The following RGS20 variants were observed in gnomAD, a reference collection of about 807,000 sequenced individuals.
RGS20 encodes the protein gz-selective GTPase-activating protein.
A neutral mutation model predicts 33.6 loss-of-function variants in RGS20; 30 were observed. The observed-to-expected ratio is 0.89, with a 90% confidence interval of 0.67 to 1.21. RGS20 has a LOEUF of 1.21. Ranked by LOEUF, RGS20 falls within the 50% of genes most tolerant of loss-of-function variation. The pLI, the probability that RGS20 is intolerant of heterozygous loss-of-function variation, is 0.00. For synonymous variants in RGS20, 208 were observed against 197.9 expected, an observed-to-expected ratio of 1.05 and a Z score of -0.43; for missense variants, 472 against 502.4, an observed-to-expected ratio of 0.94 and a Z score of 0.58.
chr8:53,950,465 T>C (rs886185173), intron 4 of RGS20, among the ~76,000 whole-genome samples: 1 of 152,194 alleles, frequency 6.6e-6, no homozygotes, highest in African/African-American at 2.4e-5. Context: ...ATTATTCCAA[T>C]GAGCATTTCC....
chr8:53,954,039 G>A (rs891151934), intron 4 of RGS20, 37 bp from the exon 4 acceptor site: 15 of 1,369,096 alleles, frequency 1.1e-5, no homozygotes, highest in Admixed American at 8.4e-5. Flanking sequence ...ACCACTAACA[G>A]TTCCCTTTTG....
At chr8:53,858,326 T>C (rs546794712) in intron 1 of RGS20, among the ~76,000 whole-genome samples, 1 of 152,166 alleles carries the variant, frequency 6.6e-6, no homozygotes, top group African/African-American at 2.4e-5. Flanking sequence ...ACAATTCTGA[T>C]TAAGAATCTG....
chr8:53,894,729 A>G (rs73587682), intron 2 of RGS20, among the ~76,000 whole-genome samples: 2,492 of 152,232 alleles, frequency 0.016, 74 homozygotes, highest in African/African-American at 0.056. Context: ...ACATTAGGCA[A>G]CCTCCCTGAA....
chr8:53,909,203 A>G (rs1487970206), intron 2 of RGS20, among the ~76,000 whole-genome samples: 14 of 57,326 alleles, frequency 2.4e-4, no homozygotes, highest in South Asian at 1.7e-3. Flanking sequence ...CCATTATGGT[A>G]TGTGTGTATA....
intron 1 of RGS20, among the ~76,000 whole-genome samples, chr8:53,864,154 G>A (rs775625961): frequency 6.6e-6 from 1 of 151,996 alleles, no homozygotes; most frequent in Non-Finnish European, 1.5e-5. Flanking sequence ...CTCAGATCAT[G>A]GTGGCTCACA....
intron 2 of RGS20, among the ~76,000 whole-genome samples, chr8:53,917,139 T>TTTTTGTTTTG (rs61137799): frequency 1.3e-5 from 2 of 151,792 alleles, no homozygotes; most frequent in African/African-American, 4.9e-5. Flanking sequence ...TTTGGTTGGT[T>TTTTTGTTTTG]TTTTGTTTTG....
chr8:53,908,094 A>G (rs1813235551), intron 2 of RGS20, among the ~76,000 whole-genome samples: 1 of 152,242 alleles, frequency 6.6e-6, no homozygotes, highest in Non-Finnish European at 1.5e-5. Flanking sequence ...GATCATTGAC[A>G]GTGAAACTAT....
At chr8:53,869,562 G>C (rs192106067) in intron 1 of RGS20, among the ~76,000 whole-genome samples, 1 of 152,078 alleles carries the variant, frequency 6.6e-6, no homozygotes, top group Admixed American at 6.5e-5. Flanking sequence ...TGTAGTCCCA[G>C]CTACTCGGGA....
chr8:53,889,507 G>A (rs1812652476), intron 2 of RGS20, among the ~76,000 whole-genome samples: 1 of 129,724 alleles, frequency 7.7e-6, no homozygotes, highest in Non-Finnish European at 1.6e-5. Context: ...AATTAGCCGT[G>A]AAGCTGAGAC....
chr8:53,943,995 C>A (rs559636802), intron 3 of RGS20, among the ~76,000 whole-genome samples: 87 of 143,676 alleles, frequency 6.1e-4, no homozygotes, highest in African/African-American at 2.3e-3. Flanking sequence ...AAAAATAGAG[C>A]TACACACACA....
chr8:53,935,398 C>A (rs192374506), intron 2 of RGS20, among the ~76,000 whole-genome samples: 41 of 152,192 alleles, frequency 2.7e-4, no homozygotes, highest in Admixed American at 4.6e-4. Context: ...ATCAAATAGA[C>A]ACAATAAAAA....
intron 2 of RGS20, among the ~76,000 whole-genome samples, chr8:53,931,853 G>A (rs897474301): frequency 2.6e-5 from 4 of 151,998 alleles, no homozygotes; most frequent in African/African-American, 7.3e-5. Flanking sequence ...GTGCCATAAG[G>A]GACAGAGCAC....
At chr8:53,892,309 G>A (rs1391572755) in intron 2 of RGS20, among the ~76,000 whole-genome samples, 1 of 152,148 alleles carries the variant, frequency 6.6e-6, no homozygotes, top group Non-Finnish European at 1.5e-5. Context: ...ATTTGGGTTG[G>A]TTCCAAGTCT....
chr8:53,935,228 A>G lies in RGS20; in HGVS notation c.511-4348A>G, dbSNP rs141495792. Among the ~76,000 whole-genome samples the G allele has an allele frequency of 3.5e-3, 529 of 152,284 alleles. 4 individuals carry two copies. The highest frequency in any genetic ancestry group is 0.012 in the African/African-American group (503 of 41,562). Reference sequence around the variant, plus strand: ...GAGAAGTGAGAGCAAACAAATTCAAAAGCCAGCAGAAGACAACAGATAACT... The same window carrying G: ...GAGAAGTGAGAGCAAACAAATTCAAGAGCCAGCAGAAGACAACAGATAACT... On this transcript the variant is annotated intron_variant, in intron 2 of 5. Coordinates refer to ENST00000297313, the MANE Select transcript of RGS20 (RefSeq NM_170587.4).
intron 2 of RGS20, among the ~76,000 whole-genome samples, chr8:53,903,487 T>C (rs561905832): frequency 6.6e-6 from 1 of 152,260 alleles, no homozygotes; most frequent in African/African-American, 2.4e-5. Flanking sequence ...CCACAGCAGT[T>C]AGGTCCCTGA....
At chr8:53,874,132 A>C (rs554549077) in intron 1 of RGS20, among the ~76,000 whole-genome samples, 7 of 152,272 alleles carry the variant, frequency 4.6e-5, no homozygotes, top group Admixed American at 2.6e-4. Flanking sequence ...GCCAGGCGGT[A>C]GAGGCTGCAG....
intron 2 of RGS20, among the ~76,000 whole-genome samples, chr8:53,930,515 C>T (rs1813923375): frequency 6.6e-6 from 1 of 152,158 alleles, no homozygotes; most frequent in African/African-American, 2.4e-5. Flanking sequence ...ACAGTCCTTC[C>T]TACTTCTGGA....
intron 2 of RGS20, among the ~76,000 whole-genome samples, chr8:53,896,276 T>TC (rs1348720822): frequency 1.3e-5 from 2 of 151,646 alleles, no homozygotes; most frequent in Admixed American, 6.6e-5. Context: ...TGAGATGCTG[T>TC]CCCCCCCAAA....
chr8:53,925,167 T>C (rs1813758507), intron 2 of RGS20, among the ~76,000 whole-genome samples: 1 of 152,136 alleles, frequency 6.6e-6, no homozygotes, highest in Non-Finnish European at 1.5e-5. Context: ...CAACTACATG[T>C]TTTTAGACTT....
Sources: gnomAD v4.1 joint callset for allele counts (sites outside exome capture counted in the v4.1 genomes callset) on GRCh38, gnomAD v4.1.1 for gene constraint, MANE v1.5 for transcripts, NCBI Gene and HGNC (gene_info 2026-07-23, HGNC 2026-07-21) for gene names.